SAMMSON: variants seen among roughly 807,000 people sequenced by gnomAD.
The protein encoded by SAMMSON is survival associated mitochondrial melanoma specific oncogenic non-coding RNA.
chr3:70,020,045 A>T lies in SAMMSON; in HGVS notation n.417+6373A>T, dbSNP rs141912483. ...TCTTTTCACAGGCAGAAACAATGCA[A>T]AGGCCTTAAAGGTAGAGTTAAAAAT... is the stretch of plus-strand genomic sequence containing the variant. On this transcript the variant is annotated intron_variant and non_coding_transcript_variant, in intron 3 of 9. Transcript: ENST00000642114. Among the ~76,000 whole-genome samples, 295 of 152,280 alleles carry T rather than the reference A, an allele frequency of 1.9e-3. 4 individuals carry two copies. The highest frequency in any genetic ancestry group is 6.4e-3 in the African/African-American group (264 of 41,552).
At chr3:70,394,613 G>A (rs773353419), downstream of SAMMSON, among the ~76,000 whole-genome samples, 1 of 152,166 alleles carries the variant, frequency 6.6e-6, no homozygotes, top group Admixed American at 6.6e-5. Flanking sequence ...GGTAATGGTT[G>A]TGCAGCAGTG....
intron 6 of SAMMSON, among the ~76,000 whole-genome samples, chr3:70,285,805 C>G (rs1483014497): frequency 6.6e-6 from 1 of 152,170 alleles, no homozygotes; most frequent in African/African-American, 2.4e-5. Context: ...TCTCTGATGT[C>G]CAGTGATGAG....
chr3:70,250,821 C>T (rs1458799632), intron 6 of SAMMSON, among the ~76,000 whole-genome samples: 5 of 152,138 alleles, frequency 3.3e-5, no homozygotes, highest in Admixed American at 3.3e-4. Flanking sequence ...CTTCAGCACA[C>T]AGTTCTTTTC....
chr3:70,055,910 A>G (rs2067165136), intron 3 of SAMMSON, among the ~76,000 whole-genome samples: 1 of 151,910 alleles, frequency 6.6e-6, no homozygotes, highest in Non-Finnish European at 1.5e-5. Flanking sequence ...ATAGCCTTTC[A>G]TTTACTCAGA....
intron 3 of SAMMSON, among the ~76,000 whole-genome samples, chr3:70,021,699 A>G (rs983634960): frequency 6.6e-6 from 1 of 152,122 alleles, no homozygotes; most frequent in Non-Finnish European, 1.5e-5. Flanking sequence ...CATCATCATT[A>G]TATATTTTAT....
chr3:70,308,812 G>A (rs920661741), intron 7 of SAMMSON, among the ~76,000 whole-genome samples: 1 of 152,092 alleles, frequency 6.6e-6, no homozygotes, highest in Non-Finnish European at 1.5e-5. Context: ...TGGTGATGAT[G>A]GTAGTAACTC....
intron 3 of SAMMSON, among the ~76,000 whole-genome samples, chr3:70,057,452 T>C (rs2067172386): frequency 6.6e-6 from 1 of 152,052 alleles, no homozygotes; most frequent in Admixed American, 6.6e-5. Flanking sequence ...CATAATTCAA[T>C]GAAGAATTGT....
intron 7 of SAMMSON, among the ~76,000 whole-genome samples, chr3:70,333,802 C>T (rs73104698): frequency 0.13 from 20,368 of 152,138 alleles, 1,454 homozygotes; most frequent in South Asian, 0.18. Flanking sequence ...TAGTAATGGT[C>T]TCCAAATGGA....
intron 1 of SAMMSON, among the ~76,000 whole-genome samples, chr3:70,001,034 T>C (rs751101402): frequency 1.3e-5 from 2 of 152,070 alleles, no homozygotes; most frequent in Non-Finnish European, 2.9e-5. Context: ...TTTGTTCCAC[T>C]GGACAATGAG....
chr3:70,073,025 A>T (rs369420841), intron 4 of SAMMSON, among the ~76,000 whole-genome samples: 2 of 152,090 alleles, frequency 1.3e-5, no homozygotes, highest in African/African-American at 4.8e-5. Flanking sequence ...ATTATCCTCA[A>T]ATTGTCTCAC....
At chr3:70,163,451 A>G (rs2067624502) in intron 4 of SAMMSON, among the ~76,000 whole-genome samples, 1 of 151,662 alleles carries the variant, frequency 6.6e-6, no homozygotes, top group African/African-American at 2.4e-5. Context: ...ATATTAGCTT[A>G]CTTTCATTAG....
intron 3 of SAMMSON, among the ~76,000 whole-genome samples, chr3:70,029,600 A>G (rs575115710): frequency 2.0e-5 from 3 of 151,984 alleles, no homozygotes; most frequent in Admixed American, 6.6e-5. Flanking sequence ...CTAAAAATAC[A>G]AAAAATTAGC....
At chr3:70,407,851 C>T (rs1017221030) in intron 2 of SAMMSON, among the ~76,000 whole-genome samples, 4 of 152,372 alleles carry the variant, frequency 2.6e-5, no homozygotes, top group East Asian at 1.9e-4. Context: ...TCTGACCCCA[C>T]ATTTCCCTTC....
intron 4 of SAMMSON, among the ~76,000 whole-genome samples, chr3:70,209,219 G>C (rs530954951): frequency 6.6e-6 from 1 of 152,186 alleles, no homozygotes; most frequent in African/African-American, 2.4e-5. Flanking sequence ...TTTTGGCATG[G>C]AGAGATTGTA....
At chr3:70,143,216 A>G (rs149804728) in intron 4 of SAMMSON, among the ~76,000 whole-genome samples, 1 of 152,054 alleles carries the variant, frequency 6.6e-6, no homozygotes, top group Admixed American at 6.6e-5. Flanking sequence ...TATCCATGTG[A>G]TGAAACATCT....
chr3:70,270,277 C>T (rs1261263276), intron 6 of SAMMSON, among the ~76,000 whole-genome samples: 1 of 152,098 alleles, frequency 6.6e-6, no homozygotes. Context: ...AATCCTAGCA[C>T]ATTACAAAAT....
intron 4 of SAMMSON, among the ~76,000 whole-genome samples, chr3:70,155,890 A>G (rs1287561677): frequency 2.6e-5 from 4 of 152,110 alleles, no homozygotes; most frequent in Non-Finnish European, 5.9e-5. Flanking sequence ...CAAATATTGA[A>G]CATGCATCCT....
At chr3:70,410,379 A>T (rs559287911) in intron 2 of SAMMSON, among the ~76,000 whole-genome samples, 1 of 152,170 alleles carries the variant, frequency 6.6e-6, no homozygotes, top group Non-Finnish European at 1.5e-5. Flanking sequence ...TGGGCTTTTC[A>T]TCCCCTAAGA....
chr3:70,257,530 GA>G (rs1701828384), intron 6 of SAMMSON, among the ~76,000 whole-genome samples: 1 of 152,008 alleles, frequency 6.6e-6, no homozygotes, highest in African/African-American at 2.4e-5. Flanking sequence ...GGGAGAACTG[GA>G]AAATCAATTA....
Sources: gnomAD v4.1 joint callset for allele counts (sites outside exome capture counted in the v4.1 genomes callset) on GRCh38, gnomAD v4.1.1 for gene constraint, MANE v1.5 for transcripts, NCBI Gene and HGNC (gene_info 2026-07-23, HGNC 2026-07-21) for gene names.